Variants in ERLIN1 observed in about 807,000 individuals in gnomAD.
ERLIN1 encodes ER lipid raft associated 1.
A neutral mutation model predicts 46.9 loss-of-function variants in ERLIN1; 24 were observed. The ratio of observed to expected loss-of-function variants is 0.51; its 90% CI spans 0.37 to 0.72. The LOEUF is 0.72. Ranked by LOEUF, ERLIN1 falls within the 30% of genes least tolerant of loss-of-function variation. The pLI, the probability that ERLIN1 is intolerant of heterozygous loss-of-function variation, is 0.00. For missense variants in ERLIN1, 293 were observed against 417.9 expected (o/e 0.70, Z 2.61); for synonymous variants, 158 against 143.2 (o/e 1.10, Z -0.74).
Position 100,176,028 on chromosome 10 carries a change from G to A in ERLIN1, c.347C>T (p.Thr116Ile), listed in dbSNP as rs369477049. The A allele has an allele frequency of 3.5e-5, 56 of 1,611,566 alleles. No individual in the cohort carries two copies. The highest frequency in any genetic ancestry group is 4.4e-5 in the Non-Finnish European group (52 of 1,177,860). The change falls in exon 5 of 11, where the codon ACC (threonine) becomes ATC (isoleucine). Residue 116 changes from threonine (T) to isoleucine (I), a missense_variant. Thr to Ile is a moderately conservative substitution (Grantham distance 89). Around this residue, in one of 3 missense-constraint regions of ERLIN1, gnomAD observed 148 missense variants for 266.5 expected, o/e 0.56. Coordinates refer to ENST00000421367, the MANE Select transcript of ERLIN1 (RefSeq NM_006459.4). ...ATGGTGGATTTTATTGAAGATTAAG[G>A]TCTTGTCATAATCTGCAGTATAGTT... ...VRNYTADYDKTLIFNKIHHEL... is the reference protein window; with the variant it reads ...VRNYTADYDKILIFNKIHHEL...
chr10:100,181,373 T>A (rs376718507), intron 2 of ERLIN1, among the ~76,000 whole-genome samples: 30 of 152,334 alleles, frequency 2.0e-4, no homozygotes, highest in African/African-American at 7.0e-4. Context: ...TCTTTTTACA[T>A]CATATATGGA....
intron 7 of ERLIN1, among the ~76,000 whole-genome samples, chr10:100,164,561 G>T (rs889046588): frequency 1.3e-5 from 2 of 152,190 alleles, no homozygotes; most frequent in Admixed American, 6.5e-5. Context: ...CATGTGCAGT[G>T]ACCATATTTG....
chr10:100,170,793 G>A (rs1031279019), intron 6 of ERLIN1, among the ~76,000 whole-genome samples: 1 of 152,174 alleles, frequency 6.6e-6, no homozygotes, highest in South Asian at 2.1e-4. Flanking sequence ...AAAAACACAG[G>A]AGAAAATTCG....
intron 8 of ERLIN1, among the ~76,000 whole-genome samples, chr10:100,158,359 A>G (rs186084818): frequency 6.6e-6 from 1 of 152,380 alleles, no homozygotes; most frequent in Non-Finnish European, 1.5e-5. Flanking sequence ...CTGGACTAAC[A>G]ACATACTTGT....
chr10:100,156,010 C>A, intron 9 of ERLIN1, 135 bp downstream of exon 9: 1 of 551,596 alleles, frequency 1.8e-6, no homozygotes, highest in South Asian at 2.9e-5. Flanking sequence ...TTTAGACTAT[C>A]AGGCCAGCTA....
In ERLIN1 at chr10:100,156,127, C is replaced by T; in HGVS notation, c.745+18G>A. The T allele has an allele frequency of 1.3e-6, 2 of 1,561,200 alleles. No homozygotes were observed. The highest frequency in any genetic ancestry group is 8.8e-7 in the Non-Finnish European group (1 of 1,134,554). The stretch of plus-strand genomic sequence containing the variant: ...CAGTTCGGGACAGGCAGAGCTTCAT[C>T]CTCTCCCCACAATGTACCTTCGATT... On this transcript the variant is annotated intron_variant, in intron 9 of 10. Coordinates refer to ENST00000421367, the MANE Select transcript of ERLIN1 (RefSeq NM_006459.4).
intron 6 of ERLIN1, among the ~76,000 whole-genome samples, chr10:100,172,291 T>C (rs1844047981): frequency 6.6e-6 from 1 of 152,372 alleles, no homozygotes; most frequent in South Asian, 2.1e-4. Context: ...TATGCATTTA[T>C]ATCTACAAAC....
chr10:100,167,393 G>GT lies in ERLIN1; in HGVS notation c.517dup (p.Thr173AsnfsTer14), dbSNP rs760011318. 1.2e-6 allele frequency: 2 copies of GT among 1,613,218 alleles called. No homozygotes were observed. Among genetic ancestry groups the GT allele is most frequent in the Non-Finnish European group, 8.5e-7 (1 of 1,179,456 alleles). Reference sequence around the variant, plus strand: ...TATGGCTTCTGGGATTTTGGGTTTTGTAACACGCACAGCCTAAAAAATAAA... The same window carrying GT: ...TATGGCTTCTGGGATTTTGGGTTTTGTTAACACGCACAGCCTAAAAAATAAA... On this transcript the variant is annotated frameshift_variant, in exon 7 of 11. Coordinates refer to ENST00000421367, the MANE Select transcript of ERLIN1 (RefSeq NM_006459.4). LOFTEE classifies it high-confidence loss of function.
rs766037927 is a variant in ERLIN1, at chr10:100,185,564, G to C, written c.63C>G (p.Leu21=). ...CCTCAATCTTGTGGATGGAGGCGTAGAGCAGGACAGCCACCAACCCCACCA... is the reference window on the plus strand; with the variant it reads ...CCTCAATCTTGTGGATGGAGGCGTACAGCAGGACAGCCACCAACCCCACCA... The part of the protein sequence containing the change: ...AAVVGLVAVL[L]YASIHKIEEG... Residue 21 remains leucine (L), a synonymous_variant, in exon 1 of 11, where the codon CTC becomes CTG. Transcript: ENST00000421367. 8 of 1,614,070 alleles carry C rather than the reference G, an allele frequency of 5.0e-6. No homozygotes were observed. The highest frequency in any genetic ancestry group is 6.8e-6 in the Non-Finnish European group (8 of 1,179,906).
intron 2 of ERLIN1, among the ~76,000 whole-genome samples, chr10:100,181,480 A>C (rs1408924302): frequency 6.6e-6 from 1 of 151,872 alleles, no homozygotes; most frequent in Non-Finnish European, 1.5e-5. Flanking sequence ...AATTCCTAAA[A>C]ATAAATTTAT....
intron 4 of ERLIN1, among the ~76,000 whole-genome samples, chr10:100,177,810 G>C (rs1844396600): frequency 6.6e-6 from 1 of 152,150 alleles, no homozygotes; most frequent in Non-Finnish European, 1.5e-5. Flanking sequence ...CCAAGGAATT[G>C]ATCAGTTACA....
chr10:100,185,847 G>C lies in ERLIN1; in HGVS notation c.-221C>G, dbSNP rs1425215811. On this transcript the variant is annotated 5_prime_UTR_variant, in exon 1 of 11. Transcript: ENST00000421367. ...GGAGGCCAGTGGGCCGCCCCTGCTC[G>C]GTGAGCTTCCTGAAACTCCCTCTCC... 1.4e-5 allele frequency: 8 copies of C among 570,086 alleles called. No homozygotes were observed. The highest frequency in any genetic ancestry group is 3.0e-5 in the East Asian group (1 of 33,794). 35.3% of individuals were successfully genotyped at this position (570,086 alleles called of 1,614,324 possible).
At chr10:100,174,149 G>A in intron 6 of ERLIN1, 59 bp downstream of exon 6, 2 of 1,034,444 alleles carry the variant, frequency 1.9e-6, no homozygotes, top group South Asian at 1.4e-5. Context: ...CCAATGAAAG[G>A]AGGAACAAAC....
intron 6 of ERLIN1, among the ~76,000 whole-genome samples, chr10:100,173,191 T>C (rs1025419466): frequency 3.9e-5 from 6 of 152,182 alleles, no homozygotes; most frequent in African/African-American, 1.4e-4. Context: ...GTGTAAAGAA[T>C]TGAGAGACAT....
In ERLIN1 at chr10:100,152,140, G is replaced by GCT; in HGVS notation, c.1036_1037dup (p.Ser346ArgfsTer47). ...ATTTCCACCTCTTGCATCAACCTGT[G>GCT]CTCTCTTTGTTTTGGATGACGTTCT... is the stretch of plus-strand genomic sequence containing the variant. On this transcript the variant is annotated frameshift_variant, in exon 11 of 11. Coordinates refer to ENST00000421367, the MANE Select transcript of ERLIN1 (RefSeq NM_006459.4). LOFTEE classifies it high-confidence loss of function. The GCT allele has an allele frequency of 1.9e-6, 3 of 1,607,540 alleles. No homozygotes were observed. The highest frequency in any genetic ancestry group is 2.6e-6 in the Non-Finnish European group (3 of 1,174,030).
At chr10:100,181,794 G>A (rs370110528) in intron 2 of ERLIN1, among the ~76,000 whole-genome samples, 2 of 152,074 alleles carry the variant, frequency 1.3e-5, no homozygotes, top group Non-Finnish European at 1.5e-5. Flanking sequence ...GATTACAGGC[G>A]TGAGCCGCCA....
intron 6 of ERLIN1, among the ~76,000 whole-genome samples, 167 bp downstream of exon 6, chr10:100,174,041 T>A (rs1844153637): frequency 6.6e-6 from 1 of 152,178 alleles, no homozygotes; most frequent in African/African-American, 2.4e-5. Context: ...CATAGTAAGC[T>A]ACAAGAGTAT....
rs900216990 is a variant in ERLIN1, at chr10:100,152,339, G to A, written c.839C>T (p.Pro280Leu). Residue 280 changes from proline to leucine, a missense_variant, in exon 11 of 11, where the codon CCG (proline) becomes CTG (leucine). Pro to Leu is a moderately conservative substitution (Grantham distance 98, BLOSUM62 -3). This residue lies in a region of ERLIN1 where 148 missense variants were observed against 266.5 expected (regional missense o/e 0.56). Coordinates refer to ENST00000421367, the MANE Select transcript of ERLIN1 (RefSeq NM_006459.4). The stretch of plus-strand genomic sequence containing the variant: ...GTACTTTTTGAGCTCCAGATATTCC[G>A]GGGTCAACTTGTGCTGTGTGGGAGC... Reference protein sequence around the residue: ...YATSNKHKLTPEYLELKKYQA... With the variant: ...YATSNKHKLTLEYLELKKYQA... 25 of 1,610,488 alleles carry A rather than the reference G, an allele frequency of 1.6e-5. No homozygotes were observed. In the Admixed American group the frequency reaches 2.2e-4, roughly 14 times the overall value.
At chr10:100,166,489 G>A (rs558232085) in intron 7 of ERLIN1, among the ~76,000 whole-genome samples, 1 of 151,548 alleles carries the variant, frequency 6.6e-6, no homozygotes, top group Non-Finnish European at 1.5e-5. Flanking sequence ...GAAGGTATGA[G>A]GGAAAAGGAA....
Sources: gnomAD v4.1 joint callset for allele counts (sites outside exome capture counted in the v4.1 genomes callset) on GRCh38, gnomAD v4.1.1 for gene constraint, gnomAD v4.1.1 regional missense constraint, MANE v1.5 for transcripts, NCBI Gene and HGNC (gene_info 2026-07-23, HGNC 2026-07-21) for gene names.